Variants in ABCD3 observed in about 807,000 individuals in gnomAD.
ABCD3 encodes ATP binding cassette subfamily D member 3.
A neutral mutation model predicts 105.5 loss-of-function variants in ABCD3; 41 were observed. The ratio of observed to expected loss-of-function variants is 0.39; its 90% confidence interval spans 0.30 to 0.50. The LOEUF (loss-of-function observed/expected upper bound fraction) is 0.50, where lower values mean the gene tolerates loss of function less well. Ranked by LOEUF, ABCD3 falls within the 20% of genes least tolerant of loss-of-function variation. The probability of loss-of-function intolerance (pLI) is 0.84; values close to 1 mark genes in which losing one functional copy is unlikely to be tolerated. For missense variants in ABCD3, 622 were observed against 806.3 expected (o/e 0.77, Z 2.77); for synonymous variants, 258 against 269.0 (o/e 0.96, Z 0.40).
intron 10 of ABCD3, among the ~76,000 whole-genome samples, chr1:94,485,840 A>C (rs1557682568): frequency 6.6e-6 from 1 of 152,198 alleles, no homozygotes; most frequent in Non-Finnish European, 1.5e-5. Context: ...TACAGACATT[A>C]GTGTAATAGC....
At position 94,483,232 on chromosome 1, in the gene ABCD3, G is replaced by A. The variant is rs1397062618; in HGVS notation, c.890G>A (p.Arg297Gln). ...REKQTVHSVF[R>Q]KLVEHLHNFI... ...AAGCAGACAGTCCACTCAGTCTTCC[G>A]AAAACTGGTAAGATAACACACTTGA... The change falls in exon 10 of 23, where the codon CGA becomes CAA. Residue 297 changes from arginine to glutamine, a missense_variant. Arg to Gln is a conservative substitution (Grantham distance 43). Around this residue, in one of 4 missense-constraint regions of ABCD3, gnomAD observed 245 missense variants for 356.4 expected, o/e 0.69. Coordinates refer to ENST00000370214, the MANE Select transcript of ABCD3 (RefSeq NM_002858.4). 6.8e-6 allele frequency: 11 copies of A among 1,612,666 alleles called. No homozygotes were observed. The highest frequency in any genetic ancestry group is 9.3e-6 in the Non-Finnish European group (11 of 1,178,926).
intron 1 of ABCD3, among the ~76,000 whole-genome samples, chr1:94,438,989 A>G (rs1660035439): frequency 2.0e-5 from 3 of 152,124 alleles, no homozygotes; most frequent in Non-Finnish European, 4.4e-5. Context: ...ATTTATTCCT[A>G]GTTCTGCAAG....
chr1:94,427,356 A>G (rs575193924), intron 1 of ABCD3, among the ~76,000 whole-genome samples: 1 of 152,346 alleles, frequency 6.6e-6, no homozygotes, highest in East Asian at 1.9e-4. Context: ...AACAAAATTT[A>G]CAAAAATTTC....
At chr1:94,432,159 A>G (rs1296448649) in intron 1 of ABCD3, among the ~76,000 whole-genome samples, 3 of 152,240 alleles carry the variant, frequency 2.0e-5, no homozygotes, top group African/African-American at 4.8e-5. Flanking sequence ...CTATATGTCA[A>G]TAGGCTAGGC....
At chr1:94,445,544 C>T (rs1417592233) in intron 1 of ABCD3, among the ~76,000 whole-genome samples, 1 of 152,128 alleles carries the variant, frequency 6.6e-6, no homozygotes, top group Non-Finnish European at 1.5e-5. Context: ...GGTTTGTTTG[C>T]CACCTAAAGT....
intron 1 of ABCD3, among the ~76,000 whole-genome samples, chr1:94,443,868 G>C (rs1253706987): frequency 1.3e-5 from 2 of 152,108 alleles, no homozygotes; most frequent in Non-Finnish European, 2.9e-5. Flanking sequence ...TTTTGGTGGA[G>C]ATTGCTTCTG....
intron 20 of ABCD3, among the ~76,000 whole-genome samples, chr1:94,501,019 A>C (rs1173761378): frequency 3.9e-5 from 6 of 152,296 alleles, no homozygotes; most frequent in African/African-American, 1.4e-4. Flanking sequence ...GTGGTTCAGA[A>C]ATGGACACGA....
the ABCD3 span, among the ~76,000 whole-genome samples, chr1:94,400,622 G>C: frequency 1.3e-5 from 2 of 152,132 alleles, no homozygotes; most frequent in Admixed American, 1.3e-4. Context: ...GCTGCCACAG[G>C]ATCAGGGGAT....
At chr1:94,483,104 G>A in intron 9 of ABCD3, 66 bp from the exon 10 acceptor site, 1 of 1,038,122 alleles carries the variant, frequency 9.6e-7, no homozygotes, top group Non-Finnish European at 1.5e-6. Flanking sequence ...ATCATATACT[G>A]TATTTCAATT....
At chr1:94,515,274 G>A in intron 22 of ABCD3, 72 bp downstream of exon 22, 1 of 1,286,482 alleles carries the variant, frequency 7.8e-7, no homozygotes, top group East Asian at 2.3e-5. Context: ...GGTTAATATG[G>A]TTTTAGATTT....
At chr1:94,488,078 A>G in intron 13 of ABCD3, 95 bp downstream of exon 13, 2 of 1,021,160 alleles carry the variant, frequency 2.0e-6, no homozygotes, top group East Asian at 2.6e-5. Context: ...TAAGGGGTCA[A>G]CATTTCCTAG....
intron 10 of ABCD3, among the ~76,000 whole-genome samples, chr1:94,486,000 T>G (rs754593638): frequency 5.3e-5 from 8 of 152,156 alleles, no homozygotes; most frequent in Non-Finnish European, 8.8e-5. Flanking sequence ...GAGACCAGCC[T>G]GACCAACATG....
intron 4 of ABCD3, among the ~76,000 whole-genome samples, chr1:94,471,131 G>A (rs1020840661): frequency 2.6e-5 from 4 of 152,130 alleles, no homozygotes; most frequent in East Asian, 3.8e-4. Context: ...TCATGTGCAC[G>A]TGTGTGTAGT....
chr1:94,429,931 A>G lies in ABCD3; in HGVS notation c.110+11343A>G, dbSNP rs971861103. Among the ~76,000 whole-genome samples, 54 of 152,214 alleles carry G rather than the reference A, an allele frequency of 3.5e-4. 1 individual carries two copies. Among genetic ancestry groups the G allele is most frequent in the Non-Finnish European group, 1.5e-5 (1 of 68,032 alleles). On this transcript the variant is annotated intron_variant, in intron 1 of 22. Coordinates refer to ENST00000370214, the MANE Select transcript of ABCD3 (RefSeq NM_002858.4). ...CCAGCAGCTTGCACTGTGCGCCTGG[A>G]AAAACTGCAAACATTCAATGCCAGC...
intron 1 of ABCD3, among the ~76,000 whole-genome samples, chr1:94,433,799 A>G (rs996608039): frequency 1.3e-5 from 2 of 150,608 alleles, no homozygotes; most frequent in Non-Finnish European, 3.0e-5. Flanking sequence ...GGTGTGGGCC[A>G]TCATGCCCTG....
the ABCD3 span, among the ~76,000 whole-genome samples, chr1:94,404,847 T>G: frequency 6.6e-6 from 1 of 151,270 alleles, no homozygotes; most frequent in African/African-American, 2.4e-5. Context: ...TTTCAGTTCC[T>G]AGAAATCTTC....
chr1:94,486,295 G>T (rs1032293349), intron 10 of ABCD3, among the ~76,000 whole-genome samples: 1 of 152,158 alleles, frequency 6.6e-6, no homozygotes, highest in African/African-American at 2.4e-5. Context: ...TATCCAGAAG[G>T]TCCTGGAACC....
At chr1:94,427,373 C>A (rs1165284292) in intron 1 of ABCD3, among the ~76,000 whole-genome samples, 1 of 152,106 alleles carries the variant, frequency 6.6e-6, no homozygotes, top group East Asian at 1.9e-4. Context: ...TTTCGTGGTC[C>A]CTTTCAAAGA....
intron 1 of ABCD3, among the ~76,000 whole-genome samples, chr1:94,449,776 A>G (rs1660503257): frequency 6.6e-6 from 1 of 152,250 alleles, no homozygotes; most frequent in African/African-American, 2.4e-5. Flanking sequence ...CCACAGCCAC[A>G]CTTATGTTCA....
Sources: gnomAD v4.1 joint callset for allele counts (sites outside exome capture counted in the v4.1 genomes callset) on GRCh38, gnomAD v4.1.1 for gene constraint, gnomAD v4.1.1 regional missense constraint, MANE v1.5 for transcripts, NCBI Gene and HGNC (gene_info 2026-07-23, HGNC 2026-07-21) for gene names.